NBAS: variants seen among roughly 807,000 people sequenced by gnomAD.
NBAS encodes the protein NAG/BC035112 fusion.
A neutral mutation model predicts 302.5 loss-of-function variants in NBAS; 219 were observed. The ratio of observed to expected loss-of-function variants is 0.72; its 90% CI spans 0.65 to 0.81. The LOEUF is 0.81. Ranked by LOEUF, NBAS falls within the 30% of genes least tolerant of loss-of-function variation. NBAS has a pLI of 0.00. For missense variants in NBAS, 2,932 were observed against 2,841.6 expected (o/e 1.03, Z -0.72); for synonymous variants, 1,118 against 1,021.6 (o/e 1.09, Z -1.80).
chr2:15,156,576 C>T, the NBAS span, among the ~76,000 whole-genome samples: 1 of 152,126 alleles, frequency 6.6e-6, no homozygotes, highest in Non-Finnish European at 1.5e-5. Flanking sequence ...GAACACCCTC[C>T]TTCAAGCCTC....
chr2:15,328,388 A>G, intron 36 of NBAS, 76 bp from the exon 37 acceptor site: 4 of 1,243,172 alleles, frequency 3.2e-6, no homozygotes, highest in Admixed American at 3.4e-5. Flanking sequence ...AAAAGCAAGG[A>G]AAGAAGGGAG....
At chr2:15,046,756 A>G in the NBAS span, among the ~76,000 whole-genome samples, 1 of 152,192 alleles carries the variant, frequency 6.6e-6, no homozygotes, top group Non-Finnish European at 1.5e-5. Flanking sequence ...AGAGTCTGGA[A>G]CCTGGTGAAT....
At chr2:14,805,866 G>T in the NBAS span, among the ~76,000 whole-genome samples, 1 of 152,074 alleles carries the variant, frequency 6.6e-6, no homozygotes, top group African/African-American at 2.4e-5. Flanking sequence ...CATATTTGCA[G>T]AGTCTGTCTC....
intron 44 of NBAS, among the ~76,000 whole-genome samples, chr2:15,248,747 C>G (rs1468436411): frequency 6.6e-6 from 1 of 152,140 alleles, no homozygotes; most frequent in Non-Finnish European, 1.5e-5. Flanking sequence ...CACATACACC[C>G]TCCCAAGACT....
the NBAS span, among the ~76,000 whole-genome samples, chr2:15,023,989 G>C: frequency 6.6e-6 from 1 of 151,546 alleles, no homozygotes; most frequent in Non-Finnish European, 1.5e-5. Context: ...TTTTATTTTA[G>C]GTTCAGGGAT....
the NBAS span, among the ~76,000 whole-genome samples, chr2:15,156,009 C>T: frequency 6.6e-6 from 1 of 152,222 alleles, no homozygotes; most frequent in Non-Finnish European, 1.5e-5. Context: ...TTATTTCATA[C>T]TCTCTTTCAT....
At chr2:15,378,041 A>G (rs896747952) in intron 30 of NBAS, among the ~76,000 whole-genome samples, 14 of 152,210 alleles carry the variant, frequency 9.2e-5, no homozygotes, top group African/African-American at 2.4e-5. Flanking sequence ...CACAGTAAGA[A>G]TAACAAATAA....
the NBAS span, among the ~76,000 whole-genome samples, chr2:15,121,520 C>G: frequency 1.3e-5 from 2 of 152,006 alleles, no homozygotes; most frequent in Non-Finnish European, 2.9e-5. Context: ...ACCAAGGGCC[C>G]GAGGATGGAA....
At chr2:15,491,183 C>G (rs781608309) in intron 11 of NBAS, among the ~76,000 whole-genome samples, 5 of 152,232 alleles carry the variant, frequency 3.3e-5, no homozygotes, top group Non-Finnish European at 7.3e-5. Context: ...CTTCCTCCCA[C>G]CCTTCCTCCA....
intron 12 of NBAS, chr2:15,483,274 T>C: frequency 2.9e-6 from 1 of 342,896 alleles, no homozygotes; most frequent in South Asian, 2.6e-5. Context: ...TCTGGTGAAA[T>C]TGTGAAAACA....
chr2:15,327,099 C>T (rs1026570579), intron 38 of NBAS, among the ~76,000 whole-genome samples: 8 of 152,056 alleles, frequency 5.3e-5, no homozygotes, highest in Admixed American at 5.2e-4. Flanking sequence ...GTGGATAGGA[C>T]TTTCAAGAAA....
chr2:14,914,781 C>T, the NBAS span, among the ~76,000 whole-genome samples: 4,838 of 152,122 alleles, frequency 0.032, 252 homozygotes, highest in African/African-American at 0.11. Flanking sequence ...CTGAGATAAG[C>T]GATTCAGAAG....
chr2:15,057,322 A>AAAAC, the NBAS span, among the ~76,000 whole-genome samples: 11 of 151,706 alleles, frequency 7.3e-5, no homozygotes, highest in Non-Finnish European at 1.5e-4. Context: ...TTGAAAAAAA[A>AAAAC]AAAAACTGTT....
chr2:15,195,653 G>T (rs1393266586), intron 48 of NBAS, among the ~76,000 whole-genome samples: 1 of 152,086 alleles, frequency 6.6e-6, no homozygotes, highest in African/African-American at 2.4e-5. Flanking sequence ...AAAATAATTG[G>T]TTGCAGCAGA....
chr2:15,082,694 CA>C, the NBAS span, among the ~76,000 whole-genome samples: 4 of 152,222 alleles, frequency 2.6e-5, no homozygotes, highest in African/African-American at 9.6e-5. Context: ...ACCCTGGACC[CA>C]ACAGCTCACT....
chr2:15,125,958 A>AT, the NBAS span, among the ~76,000 whole-genome samples: 2 of 152,100 alleles, frequency 1.3e-5, no homozygotes, highest in Admixed American at 1.3e-4. Flanking sequence ...AGGACATGAG[A>AT]TTTGGGGGAC....
the NBAS span, among the ~76,000 whole-genome samples, chr2:15,117,059 G>A: frequency 6.6e-6 from 1 of 152,056 alleles, no homozygotes; most frequent in Non-Finnish European, 1.5e-5. Context: ...ATTTGACACA[G>A]TATAGGCAGT....
At chr2:14,996,456 G>A in the NBAS span, among the ~76,000 whole-genome samples, 5 of 152,302 alleles carry the variant, frequency 3.3e-5, no homozygotes, top group Admixed American at 2.6e-4. Flanking sequence ...ACGGCGTACA[G>A]CACCAAGCTG....
At chr2:15,094,329 C>T in the NBAS span, among the ~76,000 whole-genome samples, 221 of 152,200 alleles carry the variant, frequency 1.5e-3, no homozygotes, top group Admixed American at 2.7e-3. Context: ...ATGACATCTC[C>T]ATAAAAGACA....
Sources: gnomAD v4.1 joint callset for allele counts (sites outside exome capture counted in the v4.1 genomes callset) on GRCh38, gnomAD v4.1.1 for gene constraint, MANE v1.5 for transcripts, NCBI Gene and HGNC (gene_info 2026-07-23, HGNC 2026-07-21) for gene names.